AMPH: variants seen among roughly 807,000 people sequenced by gnomAD.
AMPH encodes the protein amphiphysin (Stiff-Mann syndrome with breast cancer 128kD autoantigen).
Under a neutral mutation model 99.1 loss-of-function variants are expected in AMPH, and 49 were observed. That is an observed-to-expected ratio of 0.49 (90% CI 0.39 to 0.63). AMPH has a LOEUF of 0.63. AMPH is among the 20% of genes least tolerant of loss of function. The pLI is 0.00. For synonymous variants in AMPH, 314 were observed against 317.3 expected (o/e 0.99, Z 0.11); for missense variants, 759 against 863.4 (o/e 0.88, Z 1.52).
At chr7:38,538,464 A>AGGCAGAG (rs1187407306) in intron 1 of AMPH, among the ~76,000 whole-genome samples, 3 of 152,184 alleles carry the variant, frequency 2.0e-5, no homozygotes, top group African/African-American at 7.2e-5. Context: ...GTGGCATGAT[A>AGGCAGAG]GGCAGAGGAC....
At chr7:38,513,858 C>G (rs1789634599) in intron 2 of AMPH, among the ~76,000 whole-genome samples, 1 of 152,206 alleles carries the variant, frequency 6.6e-6, no homozygotes, top group African/African-American at 2.4e-5. Flanking sequence ...TTCCCTTTGT[C>G]TGATGAATCA....
At chr7:38,448,846 T>G (rs1447730960) in intron 11 of AMPH, among the ~76,000 whole-genome samples, 1 of 152,218 alleles carries the variant, frequency 6.6e-6, no homozygotes, top group African/African-American at 2.4e-5. Flanking sequence ...CACAATAAAC[T>G]AGACCTTCTA....
chr7:38,565,358 CAT>C (rs1584251268), intron 1 of AMPH, among the ~76,000 whole-genome samples: 1 of 152,116 alleles, frequency 6.6e-6, no homozygotes, highest in Admixed American at 6.6e-5. Context: ...AAAACACAAA[CAT>C]GTACTTTCTC....
chr7:38,617,301 T>C (rs375529253), intron 1 of AMPH, among the ~76,000 whole-genome samples: 29 of 152,368 alleles, frequency 1.9e-4, no homozygotes, highest in African/African-American at 7.0e-4. Context: ...TCCTCTCATT[T>C]ACCTGGGCCA....
chr7:38,620,224 G>A (rs558463082), intron 1 of AMPH, among the ~76,000 whole-genome samples: 1 of 151,848 alleles, frequency 6.6e-6, no homozygotes, highest in Non-Finnish European at 1.5e-5. Context: ...AAGTCAAGTT[G>A]CCAGCCTTAA....
chr7:38,419,231 T>C (rs1388281832), intron 16 of AMPH, among the ~76,000 whole-genome samples: 3 of 152,136 alleles, frequency 2.0e-5, no homozygotes, highest in African/African-American at 7.2e-5. Context: ...TCAGTGCACA[T>C]GGCAAGTTCC....
At chr7:38,489,322 T>C (rs369396059) in intron 5 of AMPH, among the ~76,000 whole-genome samples, 12 of 151,456 alleles carry the variant, frequency 7.9e-5, no homozygotes, top group Admixed American at 5.3e-4. Flanking sequence ...CTTTATCTTA[T>C]ACCATACACA....
At chr7:38,522,659 A>AG (rs1289441154) in intron 2 of AMPH, among the ~76,000 whole-genome samples, 1 of 152,208 alleles carries the variant, frequency 6.6e-6, no homozygotes, top group African/African-American at 2.4e-5. Context: ...GCTAGAGAGC[A>AG]GGGGACCCTG....
Position 38,466,222 on chromosome 7 carries a change from A to T in AMPH, c.617T>A (p.Phe206Tyr), listed in dbSNP as rs1787645751. The change falls in exon 8 of 21, where the codon TTC (phenylalanine) becomes TAC (tyrosine). Residue 206 changes from phenylalanine (F) to tyrosine (Y), a missense_variant. Transcript: ENST00000356264. The part of the protein sequence containing the change: ...SRRVGFYVNT[F>Y]KNVSSLEAKF... ...GGCTTCAAGGCTGGAGACGTTTTTGAAAGTATTAACATAAAATCCAACTCG... is the reference window on the plus strand; with the variant it reads ...GGCTTCAAGGCTGGAGACGTTTTTGTAAGTATTAACATAAAATCCAACTCG... 1 of 1,595,392 alleles carries T rather than the reference A, an allele frequency of 6.3e-7. No individual in the cohort carries two copies. Among genetic ancestry groups the T allele is most frequent in the Non-Finnish European group, 8.5e-7 (1 of 1,174,850 alleles).
intron 17 of AMPH, among the ~76,000 whole-genome samples, chr7:38,398,575 T>G (rs1584037754): frequency 6.6e-6 from 1 of 152,166 alleles, no homozygotes; most frequent in African/African-American, 2.4e-5. Context: ...GGGGGATGGT[T>G]AATGGGCACA....
At chr7:38,522,498 G>A (rs1790006521) in intron 2 of AMPH, among the ~76,000 whole-genome samples, 1 of 152,184 alleles carries the variant, frequency 6.6e-6, no homozygotes, top group South Asian at 2.1e-4. Context: ...ATGGTGCAAG[G>A]AGTGAGGGCA....
intron 14 of AMPH, among the ~76,000 whole-genome samples, chr7:38,427,334 C>A (rs1190052813): frequency 6.6e-6 from 1 of 152,134 alleles, no homozygotes; most frequent in South Asian, 2.1e-4. Flanking sequence ...CTAGAAGAAA[C>A]TTCTCCAGTG....
At chr7:38,424,678 A>T (rs532762158) in intron 15 of AMPH, among the ~76,000 whole-genome samples, 15 of 152,236 alleles carry the variant, frequency 9.9e-5, no homozygotes, top group East Asian at 3.9e-4. Context: ...ATATTTTTTT[A>T]AAATTCTCCC....
intron 1 of AMPH, among the ~76,000 whole-genome samples, chr7:38,563,364 T>C (rs1267716797): frequency 6.6e-6 from 1 of 152,214 alleles, no homozygotes; most frequent in Non-Finnish European, 1.5e-5. Context: ...TCAGATGCCT[T>C]AACAAACACA....
chr7:38,450,265 G>A (rs887259650), intron 11 of AMPH, among the ~76,000 whole-genome samples: 2 of 152,184 alleles, frequency 1.3e-5, no homozygotes, highest in Non-Finnish European at 2.9e-5. Flanking sequence ...GAAAGATTTA[G>A]GAAAAATAGT....
At chr7:38,521,243 G>A (rs559018740) in intron 2 of AMPH, among the ~76,000 whole-genome samples, 188 of 152,282 alleles carry the variant, frequency 1.2e-3, no homozygotes, top group African/African-American at 3.9e-3. Context: ...TGTGTGGGCC[G>A]GGTGTGGTGG....
At chr7:38,547,179 A>T (rs1791023474) in intron 1 of AMPH, among the ~76,000 whole-genome samples, 1 of 152,096 alleles carries the variant, frequency 6.6e-6, no homozygotes, top group Admixed American at 6.5e-5. Flanking sequence ...CCTGGGGAAA[A>T]ATGTCCCCAG....
chr7:38,589,651 T>C (rs1792783359), intron 1 of AMPH, among the ~76,000 whole-genome samples: 1 of 151,948 alleles, frequency 6.6e-6, no homozygotes, highest in Admixed American at 6.5e-5. Flanking sequence ...GATGAGGTTT[T>C]ATTAAAATTA....
chr7:38,548,509 A>T (rs377581159), intron 1 of AMPH, among the ~76,000 whole-genome samples: 1 of 152,028 alleles, frequency 6.6e-6, no homozygotes, highest in African/African-American at 2.4e-5. Flanking sequence ...CTTTGACTGG[A>T]GGTATCTAAA....
Sources: gnomAD v4.1 joint callset for allele counts (sites outside exome capture counted in the v4.1 genomes callset) on GRCh38, gnomAD v4.1.1 for gene constraint, MANE v1.5 for transcripts, NCBI Gene and HGNC (gene_info 2026-07-23, HGNC 2026-07-21) for gene names.